Variants in RSRC1 observed in about 807,000 individuals in gnomAD.
RSRC1 encodes serine/Arginine-related protein 53.
A neutral mutation model predicts 49.1 loss-of-function variants in RSRC1; 39 were observed. The ratio of observed to expected loss-of-function variants is 0.79; its 90% CI spans 0.61 to 1.04. The LOEUF (loss-of-function observed/expected upper bound fraction) is 1.04. Ranked by LOEUF, RSRC1 falls within the 50% of genes least tolerant of loss-of-function variation. The pLI, the probability that RSRC1 is intolerant of heterozygous loss-of-function variation, is 0.00. For missense variants in RSRC1, 388 were observed against 402.4 expected, an observed-to-expected ratio of 0.96 and a Z score of 0.31; for synonymous variants, 143 against 130.8, an observed-to-expected ratio of 1.09 and a Z score of -0.63.
At chr3:158,337,422 C>T (rs924657431) in intron 5 of RSRC1, among the ~76,000 whole-genome samples, 5 of 152,300 alleles carry the variant, frequency 3.3e-5, no homozygotes, top group South Asian at 2.1e-4. Context: ...ACTGCCAATC[C>T]GAGAGCTGCT....
intron 5 of RSRC1, among the ~76,000 whole-genome samples, chr3:158,350,496 C>T (rs1432237173): frequency 6.6e-6 from 1 of 152,106 alleles, no homozygotes; most frequent in Non-Finnish European, 1.5e-5. Context: ...TCTCTTTGTC[C>T]TGGAGACTAG....
rs537972939 is a variant in RSRC1, at chr3:158,335,348, G to A, written c.532-19509G>A. ...GGGTTTGGCATGAGTGAAAGCAGAG[G>A]GAGGAAAATGCAGGGCCTAGTTGAG... On this transcript the variant is annotated intron_variant, in intron 5 of 9. Transcript: ENST00000611884. Among the ~76,000 whole-genome samples the A allele has an allele frequency of 2.6e-5, 4 of 152,218 alleles. No individual in the cohort carries two copies. In the South Asian group the frequency reaches 8.3e-4, roughly 32 times the overall value.
chr3:158,194,054 T>TACACACACACACACAC (rs10530687), intron 3 of RSRC1, among the ~76,000 whole-genome samples: 71 of 144,162 alleles, frequency 4.9e-4, no homozygotes, highest in African/African-American at 1.7e-3. Flanking sequence ...ACCCCGTCTA[T>TACACACACACACACAC]ACACACACAC....
At chr3:158,437,802 T>C (rs575293331) in intron 6 of RSRC1, among the ~76,000 whole-genome samples, 194 of 152,174 alleles carry the variant, frequency 1.3e-3, no homozygotes, top group Admixed American at 4.5e-3. Flanking sequence ...AACATAGTGT[T>C]GGAAGTGCTG....
chr3:158,226,105 T>C (rs1722517414), intron 4 of RSRC1, among the ~76,000 whole-genome samples: 1 of 151,848 alleles, frequency 6.6e-6, no homozygotes, highest in Admixed American at 6.6e-5. Flanking sequence ...TGGATACTGT[T>C]TGGCTGCTGC....
At chr3:158,506,266 A>T (rs2079164772) in intron 7 of RSRC1, among the ~76,000 whole-genome samples, 1 of 152,158 alleles carries the variant, frequency 6.6e-6, no homozygotes, top group Non-Finnish European at 1.5e-5. Context: ...GCACATAATA[A>T]TAATAATAAT....
At chr3:158,502,468 T>C (rs559328868) in intron 7 of RSRC1, among the ~76,000 whole-genome samples, 2 of 152,224 alleles carry the variant, frequency 1.3e-5, no homozygotes, top group Non-Finnish European at 2.9e-5. Context: ...TTTCCAAGCT[T>C]TTAGAATTCT....
At chr3:158,225,659 T>G (rs528508411) in intron 4 of RSRC1, 11 of 451,002 alleles carry the variant, frequency 2.4e-5, no homozygotes, top group Non-Finnish European at 4.9e-5. Context: ...TCTCACAGAT[T>G]TCACCAAAAG....
At chr3:158,213,961 G>A (rs932348792) in intron 4 of RSRC1, among the ~76,000 whole-genome samples, 13 of 151,854 alleles carry the variant, frequency 8.6e-5, no homozygotes, top group African/African-American at 1.9e-4. Context: ...TTCCATACCC[G>A]CAGGTTCCAC....
At chr3:158,167,090 GT>G (rs1578154831) in intron 3 of RSRC1, among the ~76,000 whole-genome samples, 1 of 152,138 alleles carries the variant, frequency 6.6e-6, no homozygotes, top group East Asian at 1.9e-4. Flanking sequence ...TGTCACAATT[GT>G]TTTATCCTTT....
At chr3:158,228,824 C>T (rs1722673341) in intron 4 of RSRC1, among the ~76,000 whole-genome samples, 1 of 150,376 alleles carries the variant, frequency 6.6e-6, no homozygotes, top group Non-Finnish European at 1.5e-5. Flanking sequence ...ATCATAGACA[C>T]ACGTGTGTAT....
intron 5 of RSRC1, 42 bp from the exon 6 acceptor site, chr3:158,354,815 A>G (rs1731069206): frequency 2.0e-6 from 3 of 1,488,508 alleles, no homozygotes; most frequent in Non-Finnish European, 2.7e-6. Context: ...ACTGACCTGT[A>G]AAAGTCTTGT....
chr3:158,500,881 A>G (rs1241449809), intron 7 of RSRC1, among the ~76,000 whole-genome samples: 1 of 151,368 alleles, frequency 6.6e-6, no homozygotes, highest in Non-Finnish European at 1.5e-5. Context: ...GATCTTGGTT[A>G]TGTCCTTTCT....
chr3:158,337,813 A>G (rs1465534081), intron 5 of RSRC1, among the ~76,000 whole-genome samples: 1 of 152,060 alleles, frequency 6.6e-6, no homozygotes, highest in Non-Finnish European at 1.5e-5. Context: ...CCTTCCTTAT[A>G]CCCTCATGAA....
intron 5 of RSRC1, among the ~76,000 whole-genome samples, chr3:158,308,436 AAC>A (rs1295339364): frequency 2.0e-5 from 3 of 151,950 alleles, no homozygotes; most frequent in Non-Finnish European, 4.4e-5. Flanking sequence ...TCTCGGCAGC[AAC>A]AGTGTGCTAC....
At chr3:158,211,754 G>A (rs1234191524) in intron 4 of RSRC1, among the ~76,000 whole-genome samples, 1 of 151,942 alleles carries the variant, frequency 6.6e-6, no homozygotes, top group Non-Finnish European at 1.5e-5. Flanking sequence ...TAATAGAGAA[G>A]ATGTTAACTA....
At position 158,229,230 on chromosome 3, in the gene RSRC1, A is replaced by ATGTG. The variant is rs777261552; in HGVS notation, c.494+25987_494+25990dup. Reference sequence around the variant, plus strand: ...TATATGTATACACACATACACGTATATGTGTATGTATGTATATAAACATAC... The same window carrying ATGTG: ...TATATGTATACACACATACACGTATATGTGTGTGTATGTATGTATATAAACATAC... On this transcript the variant is annotated intron_variant, in intron 4 of 9. Coordinates refer to ENST00000611884, the MANE Select transcript of RSRC1 (RefSeq NM_001271838.2). Among the ~76,000 whole-genome samples, 311 of 151,326 alleles carry ATGTG rather than the reference A, an allele frequency of 2.1e-3. 17 individuals are homozygous for ATGTG. Among genetic ancestry groups the ATGTG allele is most frequent in the Non-Finnish European group, 2.6e-3 (175 of 67,588 alleles).
At chr3:158,124,033 C>T (rs1715455966) in intron 3 of RSRC1, 42 bp downstream of exon 3, 1 of 1,380,338 alleles carries the variant, frequency 7.2e-7, no homozygotes, top group Admixed American at 2.2e-5. Flanking sequence ...ACAAATTATT[C>T]CCAAATTCAG....
At chr3:158,349,911 T>C in intron 5 of RSRC1, among the ~76,000 whole-genome samples, 1 of 151,534 alleles carries the variant, frequency 6.6e-6, no homozygotes, top group Non-Finnish European at 1.5e-5. Context: ...TTTGTCAGGC[T>C]GGTTTGGAAC....
Sources: gnomAD v4.1 joint callset for allele counts (sites outside exome capture counted in the v4.1 genomes callset) on GRCh38, gnomAD v4.1.1 for gene constraint, MANE v1.5 for transcripts, NCBI Gene and HGNC (gene_info 2026-07-23, HGNC 2026-07-21) for gene names.